The following MMP16 variants were observed in gnomAD, a reference collection of about 807,000 sequenced individuals.
MMP16 encodes matrix metalloproteinase-16.
In MMP16, 12 loss-of-function variants were observed where a neutral mutation model predicts 67.8. The ratio of observed to expected loss-of-function variants is 0.18; its 90% CI spans 0.11 to 0.29. The LOEUF is 0.29. Ranked by LOEUF, MMP16 falls within the 10% of genes least tolerant of loss-of-function variation. The pLI is 1.00. For missense variants in MMP16, 475 were observed against 765.7 expected, an observed-to-expected ratio of 0.62 and a Z score of 4.48; for synonymous variants, 249 against 255.9, an observed-to-expected ratio of 0.97 and a Z score of 0.26.
At chr8:88,135,255 C>T (rs1808099394) in intron 4 of MMP16, among the ~76,000 whole-genome samples, 1 of 151,722 alleles carries the variant, frequency 6.6e-6, no homozygotes, top group South Asian at 2.1e-4. Flanking sequence ...GACTGATAAA[C>T]TCAAAAATAC....
At chr8:88,207,423 A>G (rs1313895255) in intron 1 of MMP16, among the ~76,000 whole-genome samples, 1 of 152,178 alleles carries the variant, frequency 6.6e-6, no homozygotes, top group Non-Finnish European at 1.5e-5. Flanking sequence ...TCTCCACTTA[A>G]TTGCATATCT....
chr8:88,263,974 AAG>A (rs746178110), intron 1 of MMP16, among the ~76,000 whole-genome samples: 8,347 of 88,692 alleles, frequency 0.094, 302 homozygotes, highest in South Asian at 0.13. Flanking sequence ...GAGAGAGAGA[AAG>A]AGAGAGAGAG....
chr8:88,212,182 T>G (rs1809522891), intron 1 of MMP16, among the ~76,000 whole-genome samples: 1 of 152,156 alleles, frequency 6.6e-6, no homozygotes, highest in Admixed American at 6.6e-5. Flanking sequence ...AGTCATCATG[T>G]GAGAGGTAAT....
intron 1 of MMP16, among the ~76,000 whole-genome samples, chr8:88,319,773 C>G (rs1811430089): frequency 6.6e-6 from 1 of 152,070 alleles, no homozygotes. Flanking sequence ...CAGTTTATTC[C>G]TCCTTAACTT....
intron 1 of MMP16, among the ~76,000 whole-genome samples, chr8:88,237,479 T>A (rs570101489): frequency 3.9e-5 from 6 of 152,084 alleles, no homozygotes; most frequent in African/African-American, 1.4e-4. Flanking sequence ...GAAACCCGTC[T>A]CTACTAAATA....
intron 6 of MMP16, among the ~76,000 whole-genome samples, chr8:88,077,742 G>GT (rs1808674856): frequency 6.6e-6 from 1 of 152,014 alleles, no homozygotes; most frequent in African/African-American, 2.4e-5. Flanking sequence ...TTACATCTCA[G>GT]TTTTTTTCCC....
At chr8:88,048,054 C>G (rs906764091) in intron 8 of MMP16, among the ~76,000 whole-genome samples, 2 of 152,148 alleles carry the variant, frequency 1.3e-5, no homozygotes, top group Non-Finnish European at 2.9e-5. Flanking sequence ...GCCCGATTAT[C>G]TGGAAGAAGT....
intron 1 of MMP16, among the ~76,000 whole-genome samples, chr8:88,244,444 A>G (rs1810079718): frequency 6.6e-6 from 1 of 152,234 alleles, no homozygotes; most frequent in Non-Finnish European, 1.5e-5. Flanking sequence ...AAGGCAAAAT[A>G]GTAAAAACAC....
chr8:88,285,182 C>T (rs1810808274), intron 1 of MMP16, among the ~76,000 whole-genome samples: 1 of 152,108 alleles, frequency 6.6e-6, no homozygotes. Flanking sequence ...CTCTGTCACC[C>T]AAGCTGGACT....
intron 1 of MMP16, among the ~76,000 whole-genome samples, chr8:88,199,877 C>A (rs1361607493): frequency 6.6e-6 from 1 of 151,900 alleles, no homozygotes; most frequent in African/African-American, 2.4e-5. Flanking sequence ...TCTCTTGAGA[C>A]TGGTTGTGCC....
chr8:88,216,773 T>G (rs1040553450), intron 1 of MMP16, among the ~76,000 whole-genome samples: 2 of 152,142 alleles, frequency 1.3e-5, no homozygotes, highest in Non-Finnish European at 1.5e-5. Flanking sequence ...GATTTCAGTT[T>G]GTCCCATTAA....
At chr8:88,309,777 A>G (rs1474263506) in intron 1 of MMP16, among the ~76,000 whole-genome samples, 2 of 152,102 alleles carry the variant, frequency 1.3e-5, no homozygotes, top group Non-Finnish European at 2.9e-5. Flanking sequence ...GCCTATCACC[A>G]ATATAGCAAA....
At chr8:88,264,640 A>G (rs1257957565) in intron 1 of MMP16, among the ~76,000 whole-genome samples, 1 of 152,172 alleles carries the variant, frequency 6.6e-6, no homozygotes, top group Admixed American at 6.5e-5. Context: ...GATTATCTGA[A>G]TCCTCAGAAA....
intron 7 of MMP16, among the ~76,000 whole-genome samples, chr8:88,073,942 C>T (rs916008056): frequency 6.6e-6 from 1 of 152,134 alleles, no homozygotes; most frequent in Non-Finnish European, 1.5e-5. Flanking sequence ...TGCCTCTTGT[C>T]CCTGTGTTTT....
intron 2 of MMP16, among the ~76,000 whole-genome samples, chr8:88,191,646 A>G (rs1440020841): frequency 6.6e-6 from 1 of 152,198 alleles, no homozygotes; most frequent in Non-Finnish European, 1.5e-5. Context: ...GCTTCTAAAC[A>G]GTTTGGTGTA....
At chr8:88,064,727 A>C (rs553514035) in intron 7 of MMP16, among the ~76,000 whole-genome samples, 1 of 152,236 alleles carries the variant, frequency 6.6e-6, no homozygotes, top group East Asian at 1.9e-4. Context: ...TGGGCTCAAT[A>C]TTTGGAGTAT....
chr8:88,095,493 T>C (rs1025920625), intron 6 of MMP16, among the ~76,000 whole-genome samples: 1 of 151,830 alleles, frequency 6.6e-6, no homozygotes, highest in African/African-American at 2.4e-5. Context: ...CACAAAGTTG[T>C]AGTAAAAATG....
intron 1 of MMP16, among the ~76,000 whole-genome samples, chr8:88,315,777 A>G (rs1236623572): frequency 6.6e-6 from 1 of 152,144 alleles, no homozygotes; most frequent in African/African-American, 2.4e-5. Context: ...TTCTCACTTT[A>G]TATTAAAAGC....
At chr8:88,249,117 G>T (rs1455089663) in intron 1 of MMP16, among the ~76,000 whole-genome samples, 1 of 151,916 alleles carries the variant, frequency 6.6e-6, no homozygotes, top group Non-Finnish European at 1.5e-5. Context: ...GGGACACTGA[G>T]CTGGAAAGGC....
Sources: gnomAD v4.1 joint callset for allele counts (sites outside exome capture counted in the v4.1 genomes callset) on GRCh38, gnomAD v4.1.1 for gene constraint, MANE v1.5 for transcripts, NCBI Gene and HGNC (gene_info 2026-07-23, HGNC 2026-07-21) for gene names.